Variants in CSF2RA observed in about 807,000 individuals in gnomAD.
CSF2RA encodes granulocyte-macrophage colony-stimulating factor receptor subunit alpha.
CSF2RA carries 42 observed loss-of-function variants against 51.6 expected under a neutral mutation model. The ratio of observed to expected loss-of-function variants is 0.81; its 90% CI spans 0.64 to 1.05. The LOEUF (loss-of-function observed/expected upper bound fraction) is 1.05. Ranked by LOEUF, CSF2RA falls within the 50% of genes least tolerant of loss-of-function variation. CSF2RA has a pLI of 0.00. For missense variants in CSF2RA, 530 were observed against 501.1 expected, an observed-to-expected ratio of 1.06 and a Z score of -0.55; for synonymous variants, 222 against 193.0, an observed-to-expected ratio of 1.15 and a Z score of -1.24.
chrX:1,301,301 C>A (rs1467601828), intron 10 of CSF2RA, among the ~76,000 whole-genome samples: 4 of 128,122 alleles, frequency 3.1e-5, no homozygotes, highest in African/African-American at 1.2e-4. Flanking sequence ...CATTGCACTC[C>A]AGCCTGGGTG....
chrX:1,298,886 C>G (rs1184948156), intron 9 of CSF2RA, among the ~76,000 whole-genome samples: 1 of 152,106 alleles, frequency 6.6e-6, no homozygotes, highest in Admixed American at 6.5e-5. Flanking sequence ...CCACGTCTAC[C>G]TGGATCCAGT....
the CSF2RA span, among the ~76,000 whole-genome samples, chrX:1,320,449 C>A: frequency 2.7e-5 from 4 of 150,878 alleles, no homozygotes; most frequent in East Asian, 1.9e-4. Context: ...CTTTCTAGAT[C>A]TGTTGATTCT....
rs759146559 is a variant in CSF2RA at position 1,309,495 on chromosome X, G to A, written c.*16G>A. On this transcript the variant is annotated 3_prime_UTR_variant, in exon 13 of 13. Transcript: ENST00000381529. ...AATTACCTGAGACCCAGAGGGTGTAGGAATGGCATGGACATCTCCGCCTCC... is the reference window on the plus strand; with the variant it reads ...AATTACCTGAGACCCAGAGGGTGTAAGAATGGCATGGACATCTCCGCCTCC... The A allele has an allele frequency of 3.7e-6, 6 of 1,613,896 alleles. No homozygotes were observed. Among genetic ancestry groups the A allele is most frequent in the Non-Finnish European group, 5.1e-6 (6 of 1,179,870 alleles).
At chrX:1,324,702 C>A in the CSF2RA span, among the ~76,000 whole-genome samples, 78 of 152,114 alleles carry the variant, frequency 5.1e-4, no homozygotes, top group Non-Finnish European at 1.0e-3. Flanking sequence ...GCCGCTTGGG[C>A]ATGACCAAGA....
intron 2 of CSF2RA, among the ~76,000 whole-genome samples, chrX:1,280,235 G>C (rs1422633595): frequency 6.6e-6 from 1 of 152,088 alleles, no homozygotes; most frequent in Non-Finnish European, 1.5e-5. Context: ...AGTTTGAGAA[G>C]CTGAGGCAGG....
At chrX:1,305,640 C>G in intron 12 of CSF2RA, 113 bp downstream of exon 12, 1 of 1,611,702 alleles carries the variant, frequency 6.2e-7, no homozygotes, top group Non-Finnish European at 8.5e-7. Flanking sequence ...GGGACCGCAG[C>G]GTCACCACCG....
At chrX:1,308,083 C>T (rs1487954122) in intron 12 of CSF2RA, among the ~76,000 whole-genome samples, 1 of 152,048 alleles carries the variant, frequency 6.6e-6, no homozygotes, top group Non-Finnish European at 1.5e-5. Flanking sequence ...CCCCTTTAGA[C>T]CTTTGACTGA....
At chrX:1,295,388 A>C in intron 8 of CSF2RA, 39 bp from the exon 9 acceptor site, 1 of 1,613,278 alleles carries the variant, frequency 6.2e-7, no homozygotes. Flanking sequence ...TTAGAAATGG[A>C]AACAGTGAGC....
At chrX:1,274,918 C>T in intron 2 of CSF2RA, 100 bp downstream of exon 2, 1 of 448,876 alleles carries the variant, frequency 2.2e-6, no homozygotes, top group Non-Finnish European at 4.5e-6. Flanking sequence ...AATGATGAAC[C>T]AGGATAGAAG....
intron 12 of CSF2RA, among the ~76,000 whole-genome samples, chrX:1,307,567 T>G: frequency 6.6e-6 from 1 of 152,096 alleles, no homozygotes; most frequent in Non-Finnish European, 1.5e-5. Context: ...GACCTTCAAC[T>G]GATTAGATGA....
downstream of CSF2RA, among the ~76,000 whole-genome samples, chrX:1,311,284 T>A (rs2084171361): frequency 6.7e-6 from 1 of 150,224 alleles, no homozygotes; most frequent in Admixed American, 6.6e-5. Flanking sequence ...AAGAGGCTGG[T>A]ACCTCCTTCC....
the CSF2RA span, among the ~76,000 whole-genome samples, chrX:1,321,647 C>T: frequency 2.6e-5 from 4 of 151,838 alleles, no homozygotes; most frequent in African/African-American, 9.7e-5. Context: ...GTGACCATCA[C>T]CAAGCGAAAT....
intron 3 of CSF2RA, 152 bp downstream of exon 3, chrX:1,282,931 G>A: frequency 1.3e-6 from 1 of 781,886 alleles, no homozygotes; most frequent in Non-Finnish European, 2.3e-6. Context: ...CAGAAGCTCA[G>A]AGCTCCTCTT....
downstream of CSF2RA, among the ~76,000 whole-genome samples, chrX:1,314,279 C>T (rs1461222573): frequency 2.5e-3 from 190 of 74,698 alleles, no homozygotes; most frequent in African/African-American, 7.3e-3. Flanking sequence ...GCCTGCCCAA[C>T]CCCACTGCAT....
chrX:1,316,079 G>GATAGATAGATAGATAGATAGATAA, the CSF2RA span, among the ~76,000 whole-genome samples: 1 of 71,192 alleles, frequency 1.4e-5, no homozygotes, highest in Non-Finnish European at 3.5e-5. Context: ...TAGATAGATA[G>GATAGATAGATAGATAGATAGATAA]AATAGATAAA....
chrX:1,313,940 C>T (rs1483629483), downstream of CSF2RA, among the ~76,000 whole-genome samples: 24 of 151,586 alleles, frequency 1.6e-4, no homozygotes, highest in Non-Finnish European at 2.4e-4. Context: ...GCAGTGAGCC[C>T]AGATCATGCG....
At chrX:1,301,814 G>A (rs1218367428) in intron 10 of CSF2RA, among the ~76,000 whole-genome samples, 1 of 148,532 alleles carries the variant, frequency 6.7e-6, no homozygotes. Context: ...CTGTTTTTTA[G>A]CCAGGATGGT....
At chrX:1,288,102 A>C (rs28576418) in intron 4 of CSF2RA, among the ~76,000 whole-genome samples, 37 of 151,768 alleles carry the variant, frequency 2.4e-4, no homozygotes, top group Non-Finnish European at 4.9e-4. Context: ...GCTGGTATTC[A>C]GCGTATCCAC....
chrX:1,321,574 C>CAAA, the CSF2RA span, among the ~76,000 whole-genome samples: 14 of 114,266 alleles, frequency 1.2e-4, no homozygotes, highest in African/African-American at 3.7e-4. Context: ...GACTCCATCT[C>CAAA]AAAAAAAAAA....
Sources: allele counts gnomAD v4.1 joint callset (sites outside exome capture counted in the v4.1 genomes callset), GRCh38; gene constraint gnomAD v4.1.1; transcripts MANE v1.5; gene names NCBI Gene and HGNC (gene_info 2026-07-23, HGNC 2026-07-21).